The following SDK1 variants were observed in gnomAD, a reference collection of about 807,000 sequenced individuals.
SDK1 encodes protein sidekick-1.
A neutral mutation model predicts 245.5 loss-of-function variants in SDK1; 157 were observed. The observed-to-expected ratio is 0.64, with a 90% confidence interval of 0.56 to 0.73. The LOEUF (loss-of-function observed/expected upper bound fraction) is 0.73, where lower values mean the gene tolerates loss of function less well. Among genes scored for constraint, SDK1 ranks in the 30% least tolerant of loss-of-function variants. The pLI, the probability that SDK1 is intolerant of heterozygous loss-of-function variation, is 0.00. For synonymous variants in SDK1, 1,647 were observed against 1,278.5 expected, an observed-to-expected ratio of 1.29 and a Z score of -6.15; for missense variants, 3,583 against 3,002.3, an observed-to-expected ratio of 1.19 and a Z score of -4.52.
At chr7:4,088,134 T>A (rs1177545274) in intron 22 of SDK1, among the ~76,000 whole-genome samples, 1 of 152,204 alleles carries the variant, frequency 6.6e-6, no homozygotes, top group Non-Finnish European at 1.5e-5. Flanking sequence ...GATTGGAGCC[T>A]GCAAACCTCG....
chr7:4,076,150 A>G (rs1780664189), intron 20 of SDK1, among the ~76,000 whole-genome samples: 2 of 152,258 alleles, frequency 1.3e-5, no homozygotes, highest in South Asian at 4.1e-4. Context: ...GCATTGCAAA[A>G]TGTAAGAGTA....
intron 1 of SDK1, among the ~76,000 whole-genome samples, chr7:3,421,016 T>A (rs1779520097): frequency 1.3e-5 from 2 of 152,316 alleles, no homozygotes; most frequent in South Asian, 4.1e-4. Context: ...TTGTACTGTT[T>A]AAGCAGCTTT....
At chr7:3,454,169 T>C (rs1335186968) in intron 1 of SDK1, among the ~76,000 whole-genome samples, 2 of 152,140 alleles carry the variant, frequency 1.3e-5, no homozygotes, top group Non-Finnish European at 2.9e-5. Flanking sequence ...ACTCATTCTA[T>C]AAAAATTTGG....
chr7:3,546,431 A>G (rs948391367), intron 1 of SDK1, among the ~76,000 whole-genome samples: 1 of 152,210 alleles, frequency 6.6e-6, no homozygotes, highest in Admixed American at 6.5e-5. Flanking sequence ...AGCCGTTTTT[A>G]AAAAAATAAG....
chr7:4,208,074 C>T (rs1784325176), intron 36 of SDK1, 25 bp from the exon 37 acceptor site: 3 of 1,590,880 alleles, frequency 1.9e-6, no homozygotes, highest in African/African-American at 2.7e-5. Context: ...CAGGACCCAC[C>T]CCAACCTCTT....
At chr7:3,593,055 G>T (rs1780935001) in intron 1 of SDK1, among the ~76,000 whole-genome samples, 1 of 152,204 alleles carries the variant, frequency 6.6e-6, no homozygotes, top group East Asian at 1.9e-4. Context: ...CAGTGGAGAT[G>T]CAGAAGAGAA....
intron 2 of SDK1, among the ~76,000 whole-genome samples, chr7:3,630,164 T>C (rs1782246162): frequency 6.6e-6 from 1 of 152,146 alleles, no homozygotes; most frequent in Non-Finnish European, 1.5e-5. Context: ...AATAGATGTG[T>C]AGTTGGAATC....
intron 1 of SDK1, among the ~76,000 whole-genome samples, chr7:3,454,106 G>C (rs1333479388): frequency 6.6e-6 from 1 of 152,014 alleles, no homozygotes; most frequent in East Asian, 1.9e-4. Context: ...TACATCACCA[G>C]CTGCTTTTTT....
At chr7:3,668,464 A>T (rs1783602543) in intron 4 of SDK1, among the ~76,000 whole-genome samples, 1 of 152,190 alleles carries the variant, frequency 6.6e-6, no homozygotes, top group South Asian at 2.1e-4. Context: ...ATACAGAGAG[A>T]AGCTGTCACA....
At chr7:3,707,573 C>T (rs974691123) in intron 4 of SDK1, among the ~76,000 whole-genome samples, 4 of 152,168 alleles carry the variant, frequency 2.6e-5, no homozygotes, top group South Asian at 2.1e-4. Flanking sequence ...TCCATTTGTT[C>T]TACAGGAGTT....
At chr7:3,421,059 T>A (rs1779521602) in intron 1 of SDK1, among the ~76,000 whole-genome samples, 1 of 138,474 alleles carries the variant, frequency 7.2e-6, no homozygotes, top group Non-Finnish European at 1.5e-5. Flanking sequence ...CTTTTATCAA[T>A]TTTTTTTTTT....
intron 1 of SDK1, among the ~76,000 whole-genome samples, chr7:3,441,212 A>T (rs1780186335): frequency 6.6e-6 from 1 of 152,146 alleles, no homozygotes. Context: ...TTAATATTTT[A>T]TTTTATGATT....
intron 4 of SDK1, among the ~76,000 whole-genome samples, chr7:3,687,056 A>AAAACACACACACAC (rs758259836): frequency 2.2e-5 from 3 of 135,162 alleles, no homozygotes; most frequent in Non-Finnish European, 4.7e-5. Flanking sequence ...ATAGCATCAA[A>AAAACACACACACAC]ACACACACAC....
rs1779946257 is a variant in SDK1, at chr7:3,832,948, G to T, written c.847+11365G>T. ...CAGTGTAAACTGTTATTTTGCCCAG[G>T]AATAACTAGCAAGTGTAGCTTTTTG... On this transcript the variant is annotated intron_variant, in intron 5 of 44. Transcript: ENST00000404826. Among the ~76,000 whole-genome samples, 6 of 151,900 alleles carry T rather than the reference G, an allele frequency of 3.9e-5. 1 individual carries two copies. The South Asian group carries it at 1.0e-3, about 26-fold the overall frequency.
chr7:3,873,987 C>CT (rs1403392858), intron 5 of SDK1, among the ~76,000 whole-genome samples: 1 of 151,984 alleles, frequency 6.6e-6, no homozygotes, highest in Non-Finnish European at 1.5e-5. Flanking sequence ...TTTTTCCTTG[C>CT]TTTTTTTCAT....
At chr7:3,322,230 T>A (rs570424887) in intron 1 of SDK1, among the ~76,000 whole-genome samples, 1 of 152,184 alleles carries the variant, frequency 6.6e-6, no homozygotes, top group Non-Finnish European at 1.5e-5. Flanking sequence ...CTGAATATTT[T>A]ATATACAGGA....
Position 3,747,528 on chromosome 7 carries a change from TTG to T in SDK1, c.714-73920_714-73919del, listed in dbSNP as rs1779659287. Among the ~76,000 whole-genome samples, 4 of 152,334 alleles carry T rather than the reference TTG, an allele frequency of 2.6e-5. 1 individual carries two copies. Among genetic ancestry groups the T allele is most frequent in the African/African-American group, 9.6e-5 (4 of 41,568 alleles). ...TATTTAGCAAATGCTGTCGTGGGCC[TTG>T]TCTATGCAGGACAGCATGCTAAGCA... is the stretch of plus-strand genomic sequence containing the variant. On this transcript the variant is annotated intron_variant, in intron 4 of 44. Coordinates refer to ENST00000404826, the MANE Select transcript of SDK1 (RefSeq NM_152744.4).
chr7:3,523,364 T>A (rs540068962), intron 1 of SDK1, among the ~76,000 whole-genome samples: 1 of 152,060 alleles, frequency 6.6e-6, no homozygotes, highest in Non-Finnish European at 1.5e-5. Context: ...CTAGTGGAGG[T>A]GACACAGATA....
chr7:3,668,027 A>G (rs1328841931), intron 4 of SDK1, among the ~76,000 whole-genome samples: 2 of 152,296 alleles, frequency 1.3e-5, no homozygotes, highest in East Asian at 1.9e-4. Context: ...AGAAACCTCA[A>G]AGTCCTCAGG....
Sources: allele counts gnomAD v4.1 joint callset (sites outside exome capture counted in the v4.1 genomes callset), GRCh38; gene constraint gnomAD v4.1.1; transcripts MANE v1.5; gene names NCBI Gene and HGNC (gene_info 2026-07-23, HGNC 2026-07-21).